HAS1: variants seen among roughly 807,000 people sequenced by gnomAD.
The protein encoded by HAS1 is HA synthase 1.
A neutral mutation model predicts 35.0 loss-of-function variants in HAS1; 27 were observed. The observed-to-expected ratio is 0.77, with a 90% CI of 0.57 to 1.06. The LOEUF is 1.06. Ranked by LOEUF, HAS1 falls within the 50% of genes least tolerant of loss-of-function variation. HAS1 has a pLI of 0.00. For missense variants in HAS1, 940 were observed against 814.8 expected (o/e 1.15, Z -1.87); for synonymous variants, 409 against 371.2 (o/e 1.10, Z -1.17).
intron 2 of HAS1, among the ~76,000 whole-genome samples, chr19:51,718,541 T>C (rs557130404): frequency 1.3e-5 from 2 of 152,266 alleles, no homozygotes; most frequent in South Asian, 4.1e-4. Context: ...AACTTTTATT[T>C]ATTTATTTAT....
At chr19:51,718,273 A>G (rs1179718457) in intron 2 of HAS1, among the ~76,000 whole-genome samples, 1 of 151,992 alleles carries the variant, frequency 6.6e-6, no homozygotes, top group Non-Finnish European at 1.5e-5. Context: ...AATGGGATGG[A>G]TGAATGAGAT....
In HAS1 at chr19:51,713,861, G is replaced by A. The variant is rs367906794; in HGVS notation, c.1300C>T (p.Leu434=). 15 of 1,606,516 alleles carry A rather than the reference G, an allele frequency of 9.3e-6. No homozygotes were observed. Among genetic ancestry groups the A allele is most frequent in the South Asian group, 4.4e-5 (4 of 91,038 alleles). Residue 434 remains leucine, a synonymous_variant, in exon 5 of 5, where the codon CTG becomes TTG. Coordinates refer to ENST00000540069, the MANE Select transcript of HAS1 (RefSeq NM_001297436.2). The surrounding 1 kb of genome is among the most constrained non-coding windows in gnomAD (Gnocchi z 4.5). Reference sequence around the variant, plus strand: ...AGTGCCACGCCCTGCACGCACAGCAGCACCCACAGCAGCGCCCAAGGGCGG... The same window carrying A: ...AGTGCCACGCCCTGCACGCACAGCAACACCCACAGCAGCGCCCAAGGGCGG... ...AGRPWALLWV[L]LCVQGVALAK... is the part of the protein sequence containing the mutation.
intron 4 of HAS1, among the ~76,000 whole-genome samples, chr19:51,714,554 G>C (rs922014883): frequency 1.4e-5 from 2 of 145,578 alleles, no homozygotes; most frequent in South Asian, 2.2e-4. Context: ...AAAATTAGCC[G>C]GGCGTGGTGG....
Position 51,719,261 on chromosome 19 carries a change from C to T in HAS1, c.644G>A (p.Arg215His). The T allele has an allele frequency of 2.5e-6, 4 of 1,608,966 alleles. No individual in the cohort carries two copies. Among genetic ancestry groups the T allele is most frequent in the Non-Finnish European group, 3.4e-6 (4 of 1,178,004 alleles). The change falls in exon 2 of 5, where the codon CGC (arginine) becomes CAC (histidine). Residue 215 changes from arginine to histidine, a missense_variant. Arg to His is a conservative substitution (Grantham distance 29). Transcript: ENST00000540069. ...CTTGAAGGCTGTGTACATGACCTCG[C>T]GCTTGCCGCCCCAGCGCTGCGCCAC... is the stretch of plus-strand genomic sequence containing the variant. ...VCVAQRWGGK[R>H]EVMYTAFKAL... is the part of the protein sequence containing the mutation.
intron 4 of HAS1, 187 bp from the exon 5 acceptor site, chr19:51,714,289 C>T (rs901008677): frequency 5.9e-5 from 55 of 933,560 alleles, no homozygotes; most frequent in Middle Eastern, 6.7e-4. Flanking sequence ...GTGGCTCACT[C>T]CTGTAATCCC....
intron 1 of HAS1, among the ~76,000 whole-genome samples, chr19:51,722,703 C>T (rs1353653081): frequency 1.3e-5 from 2 of 152,146 alleles, no homozygotes. Context: ...GTTTATACAT[C>T]ATCTGTGGCT....
chr19:51,719,776 C>G lies in HAS1; in HGVS notation c.129G>C (p.Val43=). The change falls in exon 2 of 5, where the codon GTG becomes GTC. Residue 43 remains valine (V), a synonymous_variant. Transcript: ENST00000540069. Reference sequence around the variant, plus strand: ...GGCCGTAGCGATCGGAGGCCAGCGGCACCCCGGCGGCGTAGGCCCAGGTCA... The same window carrying G: ...GGCCGTAGCGATCGGAGGCCAGCGGGACCCCGGCGGCGTAGGCCCAGGTCA... ...GLMTWAYAAG[V]PLASDRYGLL... The G allele has an allele frequency of 6.4e-7, 1 of 1,561,980 alleles. No homozygotes were observed. The highest frequency in any genetic ancestry group is 8.6e-7 in the Non-Finnish European group (1 of 1,157,340).
Position 51,713,794 on chromosome 19 carries a change from C to G in HAS1, c.1367G>C (p.Arg456Pro). ...AFAAWLRGCL[R>P]MVLLSLYAPL... is the part of the protein sequence containing the mutation. ...CGCGTAGAGCGACAGAAGCACCATG[C>G]GCAGGCAGCCCCGCAGCCAGGCCGC... The change falls in exon 5 of 5, where the codon CGC becomes CCC. Residue 456 changes from arginine (R) to proline (P), a missense_variant. Transcript: ENST00000540069. This position sits in a 1 kb window ranked among gnomAD's most constrained non-coding sequence, Gnocchi z 4.5. The G allele has an allele frequency of 1.9e-6, 3 of 1,605,126 alleles. No homozygotes were observed. Among genetic ancestry groups the G allele is most frequent in the Non-Finnish European group, 2.5e-6 (3 of 1,176,570 alleles).
intron 1 of HAS1, among the ~76,000 whole-genome samples, chr19:51,722,719 T>G (rs1486858189): frequency 1.3e-5 from 2 of 152,200 alleles, no homozygotes; most frequent in African/African-American, 4.8e-5. Flanking sequence ...TGGCTGATTC[T>G]ACATTTACCA....
chr19:51,719,983 T>G, intron 1 of HAS1, 88 bp from the exon 2 acceptor site: 1 of 789,848 alleles, frequency 1.3e-6, no homozygotes. Context: ...CTTTCCTTCC[T>G]TCCCTCCTTC....
intron 1 of HAS1, among the ~76,000 whole-genome samples, chr19:51,723,693 A>T (rs898458312): frequency 2.6e-5 from 4 of 152,168 alleles, no homozygotes; most frequent in Middle Eastern, 3.4e-3. Context: ...TCTCACCTAC[A>T]TGTACTTGGG....
chr19:51,717,240 C>T, intron 2 of HAS1, 47 bp from the exon 3 acceptor site: 1 of 1,324,884 alleles, frequency 7.5e-7, no homozygotes. Flanking sequence ...CTGCATCAGG[C>T]TGATGCTTGA....
intron 4 of HAS1, among the ~76,000 whole-genome samples, chr19:51,714,376 A>G (rs1294229171): frequency 1.6e-5 from 2 of 123,000 alleles, no homozygotes; most frequent in Non-Finnish European, 3.1e-5. Flanking sequence ...TCTACTAAAT[A>G]AATAAATAAA....
intron 2 of HAS1, among the ~76,000 whole-genome samples, 154 bp downstream of exon 2, chr19:51,719,052 A>G (rs1010107746): frequency 4.6e-5 from 7 of 152,258 alleles, no homozygotes; most frequent in African/African-American, 1.7e-4. Flanking sequence ...TGGATGGATG[A>G]AAGAATGAGT....
intron 1 of HAS1, among the ~76,000 whole-genome samples, chr19:51,723,325 G>A (rs182001516): frequency 6.6e-6 from 1 of 152,298 alleles, no homozygotes; most frequent in Non-Finnish European, 1.5e-5. Flanking sequence ...GGATGTCCAC[G>A]TGGCCACAAA....
intron 1 of HAS1, among the ~76,000 whole-genome samples, chr19:51,720,781 A>G (rs1484422886): frequency 1.3e-5 from 2 of 152,120 alleles, no homozygotes; most frequent in African/African-American, 4.8e-5. Flanking sequence ...TTCCAATACA[A>G]CTTTTTTCCA....
intron 4 of HAS1, among the ~76,000 whole-genome samples, chr19:51,715,018 G>GC (rs1248373975): frequency 6.6e-6 from 1 of 152,042 alleles, no homozygotes; most frequent in Non-Finnish European, 1.5e-5. Flanking sequence ...GAACCATCAG[G>GC]CCTCCTTCCT....
In HAS1 at chr19:51,719,537, G is replaced by T. The variant is rs1389505004; in HGVS notation, c.368C>A (p.Pro123Gln). 3.2e-6 allele frequency: 5 copies of T among 1,547,536 alleles called. No individual in the cohort carries two copies. In the African/African-American group the frequency reaches 5.5e-5, roughly 17 times the overall value. ...CLASARALLY[P>Q]RARLRVLMVV... Reference sequence around the variant, plus strand: ...CATGAGGACGCGCAGCCGCGCGCGCGGGTACAGCAGGGCGCGGGCGGACGC... The same window carrying T: ...CATGAGGACGCGCAGCCGCGCGCGCTGGTACAGCAGGGCGCGGGCGGACGC... Residue 123 changes from proline (P) to glutamine (Q), a missense_variant, in exon 2 of 5, where the codon CCG becomes CAG. Physicochemically the swap from Pro to Gln is moderately conservative, Grantham distance 76. Transcript: ENST00000540069.
intron 1 of HAS1, among the ~76,000 whole-genome samples, chr19:51,723,206 C>T (rs1599797065): frequency 1.3e-5 from 2 of 152,126 alleles, no homozygotes; most frequent in African/African-American, 2.4e-5. Context: ...CAGGATGACC[C>T]GAGACACCCA....
Sources: allele counts gnomAD v4.1 joint callset (sites outside exome capture counted in the v4.1 genomes callset), GRCh38; gene constraint gnomAD v4.1.1; non-coding constraint Gnocchi (gnomAD v3.1); transcripts MANE v1.5; gene names NCBI Gene and HGNC (gene_info 2026-07-23, HGNC 2026-07-21).